The following FGF13 variants were observed in gnomAD, a reference collection of about 807,000 sequenced individuals.
The protein encoded by FGF13 is fibroblast growth factor 13.
In FGF13, 2 loss-of-function variants were observed where a neutral mutation model predicts 19.5. That is an observed-to-expected ratio of 0.10 (90% CI 0.04 to 0.32). The LOEUF is 0.32. FGF13 is among the 10% of genes least tolerant of loss of function. The pLI, the probability that FGF13 is intolerant of heterozygous loss-of-function variation, is 1.00. For synonymous variants in FGF13, 72 were observed against 76.9 expected, an observed-to-expected ratio of 0.94 and a Z score of 0.33; for missense variants, 113 against 192.7, an observed-to-expected ratio of 0.59 and a Z score of 2.45.
At chrX:138,987,995 T>C (rs752303243) in intron 1 of FGF13, among the ~76,000 whole-genome samples, 1 of 112,153 alleles carries the variant, frequency 8.9e-6, no homozygotes, top group Admixed American at 9.5e-5. Flanking sequence ...AAAATAATAG[T>C]TTGATTTGTA....
At chrX:139,194,358 TATG>T (rs2084355346) in intron 1 of FGF13, among the ~76,000 whole-genome samples, 1 of 112,204 alleles carries the variant, frequency 8.9e-6, no homozygotes, top group Non-Finnish European at 1.9e-5. Flanking sequence ...TCTACGCTTT[TATG>T]ATGTTCCAAA....
intron 1 of FGF13, among the ~76,000 whole-genome samples, chrX:139,159,974 T>C (rs755238263): frequency 9.0e-6 from 1 of 111,243 alleles, no homozygotes; most frequent in East Asian, 2.8e-4. Context: ...TGAACTCAGC[T>C]CTGGACCAAG....
intron 1 of FGF13, among the ~76,000 whole-genome samples, chrX:139,092,477 GC>G (rs1369821385): frequency 1.8e-5 from 2 of 112,281 alleles, no homozygotes; most frequent in Admixed American, 1.9e-4. Context: ...TCAAACAACA[GC>G]CCTTAAACTG....
At chrX:139,117,319 C>A (rs1191639038) in intron 1 of FGF13, among the ~76,000 whole-genome samples, 1 of 111,722 alleles carries the variant, frequency 9.0e-6, no homozygotes, top group African/African-American at 3.3e-5. Flanking sequence ...AAAAAATTAA[C>A]AAATCCAAAA....
At chrX:139,033,935 GAA>G (rs1207045651) in intron 1 of FGF13, among the ~76,000 whole-genome samples, 1 of 111,744 alleles carries the variant, frequency 8.9e-6, no homozygotes, top group African/African-American at 3.2e-5. Context: ...TATCTGAAGA[GAA>G]AACCATCAGC....
At chrX:138,684,962 C>T (rs2089764640) in intron 3 of FGF13, among the ~76,000 whole-genome samples, 1 of 111,360 alleles carries the variant, frequency 9.0e-6, no homozygotes, top group Admixed American at 9.6e-5. Flanking sequence ...AAAAACAAAC[C>T]AAAAGAAGAT....
chrX:138,711,504 G>T lies in FGF13; in HGVS notation c.-501C>A. 3 of 753,491 alleles carry T rather than the reference G, an allele frequency of 4.0e-6. No individual in the cohort carries two copies. Among genetic ancestry groups the T allele is most frequent in the Non-Finnish European group, 4.7e-6 (3 of 637,475 alleles). 62.1% of individuals were successfully genotyped at this position (753,491 alleles called of 1,213,427 possible). On this transcript the variant is annotated 5_prime_UTR_variant, in exon 1 of 5. Transcript: ENST00000315930. ...ACGGAGGAGGGACGAGGCAGCGCGC[G>T]GGGGAGCGCGCCCTCGCCCTGGCCC...
rs147513619 is a variant in FGF13, at chrX:139,019,183, G to A, written c.-112-154533C>T. 9.0e-3 allele frequency among the ~76,000 whole-genome samples: 1,012 copies of A among 112,117 alleles called. 5 individuals are homozygous for A. Among genetic ancestry groups the A allele is most frequent in the African/African-American group, 0.031 (943 of 30,911 alleles). On this transcript the variant is annotated intron_variant, in intron 1 of 2. Transcript: ENST00000421460. ...CATGGATACACAGGTAGAAAGTGGT[G>A]GAGCCAGGATATAAACCAGGGTGTT...
intron 1 of FGF13, among the ~76,000 whole-genome samples, chrX:138,952,762 G>A (rs1027102276): frequency 9.0e-6 from 1 of 111,452 alleles, no homozygotes; most frequent in East Asian, 2.8e-4. Context: ...CAACAAGTGG[G>A]CGAAGGATAT....
At chrX:138,970,805 G>A (rs971118716) in intron 1 of FGF13, among the ~76,000 whole-genome samples, 2 of 110,833 alleles carry the variant, frequency 1.8e-5, no homozygotes, top group African/African-American at 6.6e-5. Flanking sequence ...TCCTATTTTC[G>A]AATATGACAA....
chrX:138,831,207 T>C (rs2091070717), intron 3 of FGF13, among the ~76,000 whole-genome samples: 1 of 111,452 alleles, frequency 9.0e-6, no homozygotes, highest in Non-Finnish European at 1.9e-5. Flanking sequence ...TTTCAAAGGA[T>C]GTTGTGGACT....
At chrX:138,780,965 T>A (rs1344346704) in intron 3 of FGF13, among the ~76,000 whole-genome samples, 1 of 110,516 alleles carries the variant, frequency 9.0e-6, no homozygotes, top group East Asian at 2.8e-4. Context: ...TAACAAACTA[T>A]CTCTCAGACC....
intron 3 of FGF13, among the ~76,000 whole-genome samples, chrX:138,677,880 G>A (rs1293268649): frequency 5.4e-5 from 6 of 111,621 alleles, no homozygotes; most frequent in Admixed American, 1.9e-4. Context: ...ACATGCACAC[G>A]TACGTTTATT....
chrX:138,881,570 G>A (rs989364648), intron 1 of FGF13, among the ~76,000 whole-genome samples: 11 of 111,385 alleles, frequency 9.9e-5, no homozygotes, highest in Admixed American at 7.6e-4. Context: ...TTCAAATTAC[G>A]GATTCCATCT....
chrX:139,127,648 C>A (rs1233789018), intron 1 of FGF13, among the ~76,000 whole-genome samples: 3 of 111,620 alleles, frequency 2.7e-5, no homozygotes, highest in African/African-American at 9.8e-5. Context: ...CCACCACAGG[C>A]AACTCAGGGC....
At chrX:138,761,327 T>A (rs1056519487) in intron 3 of FGF13, among the ~76,000 whole-genome samples, 5 of 111,439 alleles carry the variant, frequency 4.5e-5, no homozygotes, top group African/African-American at 1.6e-4. Flanking sequence ...ACAGACACAA[T>A]TTTTTACTCT....
rs146193819 is a variant in FGF13 at position 138,731,228 on chromosome X, C to T, written c.28+8014G>A. Among the ~76,000 whole-genome samples, 784 of 110,766 alleles carry T rather than the reference C, an allele frequency of 7.1e-3. 6 individuals are homozygous for T. Among genetic ancestry groups the T allele is most frequent in the African/African-American group, 0.023 (717 of 30,631 alleles). On this transcript the variant is annotated intron_variant, in intron 1 of 4. Transcript: ENST00000305414. The stretch of plus-strand genomic sequence containing the variant: ...GTCAATCAATTTGACCTGATATAAA[C>T]GTATAGAACTGACCAACAGCAAATA...
At chrX:138,808,350 A>C (rs141094779) in intron 3 of FGF13, among the ~76,000 whole-genome samples, 2,928 of 112,142 alleles carry the variant, frequency 0.026, 76 homozygotes, top group African/African-American at 0.073. Context: ...TACTGGGTAC[A>C]TAATAAAATG....
chrX:139,111,542 T>G (rs1294619078), intron 1 of FGF13, among the ~76,000 whole-genome samples: 1 of 112,037 alleles, frequency 8.9e-6, no homozygotes, highest in East Asian at 2.8e-4. Flanking sequence ...AAACAGAAAT[T>G]TTTGATTAAA....
Sources: allele counts gnomAD v4.1 joint callset (sites outside exome capture counted in the v4.1 genomes callset), GRCh38; gene constraint gnomAD v4.1.1; transcripts MANE v1.5; gene names NCBI Gene and HGNC (gene_info 2026-07-23, HGNC 2026-07-21).